LAMA2: variants seen among roughly 807,000 people sequenced by gnomAD.
The protein encoded by LAMA2 is laminin subunit alpha 2.
LAMA2 carries 269 observed loss-of-function variants against 364.8 expected under a neutral mutation model. The observed-to-expected ratio is 0.74, with a 90% CI of 0.67 to 0.82. The LOEUF (loss-of-function observed/expected upper bound fraction) is 0.82. Ranked by LOEUF, LAMA2 falls within the 40% of genes least tolerant of loss-of-function variation. The pLI is 0.00. For synonymous variants in LAMA2, 1,379 were observed against 1,370.6 expected (o/e 1.01, Z -0.14); for missense variants, 3,807 against 3,873.2 (o/e 0.98, Z 0.45).
intron 1 of LAMA2, among the ~76,000 whole-genome samples, chr6:128,893,759 T>C (rs994789898): frequency 6.6e-6 from 1 of 151,832 alleles, no homozygotes; most frequent in African/African-American, 2.4e-5. Context: ...AAAATTAAAA[T>C]TGGGAAATTT....
At chr6:129,071,616 T>G (rs1300097694) in intron 3 of LAMA2, among the ~76,000 whole-genome samples, 2 of 152,172 alleles carry the variant, frequency 1.3e-5, no homozygotes, top group Non-Finnish European at 2.9e-5. Context: ...TTATCATTTA[T>G]TTTAAAATAT....
In LAMA2 at chr6:129,312,962, G is replaced by A. The variant is rs1454240397; in HGVS notation, c.3276G>A (p.Glu1092=). The A allele has an allele frequency of 1.2e-6, 2 of 1,614,072 alleles. No homozygotes were observed. The highest frequency in any genetic ancestry group is 1.7e-5 in the Admixed American group (1 of 60,004). ...HPKFSGAKCT[E]CSRGHWNYPR... The stretch of plus-strand genomic sequence containing the variant: ...AATTCTCTGGTGCAAAATGTACAGA[G>A]TGCAGTCGAGGTCACTGGAACTACC... Residue 1092 remains glutamate (E), a synonymous_variant, in exon 23 of 65, where the codon GAG becomes GAA. Transcript: ENST00000421865.
chr6:129,004,879 GAT>G (rs898119685), intron 1 of LAMA2, among the ~76,000 whole-genome samples: 8 of 151,702 alleles, frequency 5.3e-5, no homozygotes, highest in East Asian at 1.9e-4. Context: ...CACTTTTCAG[GAT>G]ATATATATAG....
intron 9 of LAMA2, among the ~76,000 whole-genome samples, chr6:129,168,752 G>T (rs2114998924): frequency 7.0e-6 from 1 of 142,374 alleles, no homozygotes; most frequent in Non-Finnish European, 1.5e-5. Flanking sequence ...AAATTACCTT[G>T]GGCAGTATGG....
Position 129,403,797 on chromosome 6 carries a change from T to C in LAMA2, c.5727-24T>C, listed in dbSNP as rs3828735. 1.9e-6 allele frequency: 3 copies of C among 1,603,378 alleles called. No homozygotes were observed. The Admixed American group carries it at 5.0e-5, about 27-fold the overall frequency. On this transcript the variant is annotated intron_variant, in intron 39 of 64. Coordinates refer to ENST00000421865, the MANE Select transcript of LAMA2 (RefSeq NM_000426.4). ...TGAGTACCATTGAGTGCCCTGACATTCCTTTTTTGAATCATCCCACCAGAA... is the reference window on the plus strand; with the variant it reads ...TGAGTACCATTGAGTGCCCTGACATCCCTTTTTTGAATCATCCCACCAGAA...
intron 9 of LAMA2, among the ~76,000 whole-genome samples, chr6:129,169,271 C>T (rs533739412): frequency 0.012 from 1,723 of 145,530 alleles, 50 homozygotes; most frequent in African/African-American, 0.044. Context: ...CAGTTTTTGC[C>T]CATTCTGTAT....
chr6:129,241,864 C>G (rs1396642707), intron 12 of LAMA2, among the ~76,000 whole-genome samples: 1 of 152,150 alleles, frequency 6.6e-6, no homozygotes, highest in East Asian at 1.9e-4. Context: ...CCACTTTCTA[C>G]TGCTGTAAGA....
chr6:129,432,445 A>G (rs1236723103), intron 41 of LAMA2, among the ~76,000 whole-genome samples: 3 of 152,238 alleles, frequency 2.0e-5, no homozygotes, highest in African/African-American at 4.8e-5. Flanking sequence ...ACACTCCTGT[A>G]TATCATCTCA....
chr6:129,410,714 T>TTAGA (rs36203052), intron 40 of LAMA2, among the ~76,000 whole-genome samples: 24,819 of 150,136 alleles, frequency 0.17, 2,079 homozygotes, highest in Middle Eastern at 0.2. Context: ...GATAGACAGA[T>TTAGA]TAGATAGATA....
intron 1 of LAMA2, among the ~76,000 whole-genome samples, chr6:128,910,228 G>T (rs1228141548): frequency 6.6e-6 from 1 of 152,268 alleles, no homozygotes; most frequent in South Asian, 2.1e-4. Flanking sequence ...ATCCTGCAGA[G>T]TGTTTTCCAA....
chr6:129,125,937 A>C (rs1163697727), intron 4 of LAMA2, among the ~76,000 whole-genome samples: 1 of 152,188 alleles, frequency 6.6e-6, no homozygotes, highest in Non-Finnish European at 1.5e-5. Flanking sequence ...AATTTACAAT[A>C]AAAAATAAAA....
chr6:128,925,796 A>T (rs1764725617), intron 1 of LAMA2, among the ~76,000 whole-genome samples: 1 of 152,064 alleles, frequency 6.6e-6, no homozygotes, highest in African/African-American at 2.4e-5. Flanking sequence ...ACATAGCAAT[A>T]TATGGTTTAT....
At chr6:129,140,763 T>G (rs1778078092) in intron 4 of LAMA2, among the ~76,000 whole-genome samples, 2 of 151,946 alleles carry the variant, frequency 1.3e-5, no homozygotes, top group Non-Finnish European at 2.9e-5. Flanking sequence ...CACAAAACGG[T>G]GGAAGGAAGC....
chr6:129,110,138 T>C (rs1218658193), intron 4 of LAMA2, among the ~76,000 whole-genome samples: 1 of 151,990 alleles, frequency 6.6e-6, no homozygotes, highest in Admixed American at 6.6e-5. Flanking sequence ...CTTATATTCA[T>C]TGCAATTTAT....
chr6:129,366,192 C>T, intron 32 of LAMA2, 27 bp from the exon 33 acceptor site: 1 of 1,613,256 alleles, frequency 6.2e-7, no homozygotes, highest in Non-Finnish European at 8.5e-7. Flanking sequence ...GCAGAAGTAA[C>T]TACTCTTTGT....
intron 1 of LAMA2, among the ~76,000 whole-genome samples, chr6:128,973,854 C>T (rs148680702): frequency 3.3e-5 from 5 of 152,288 alleles, no homozygotes; most frequent in African/African-American, 1.2e-4. Context: ...ACTGAAAGTG[C>T]TTAGCTACCA....
chr6:128,911,949 C>T (rs1318939253), intron 1 of LAMA2, among the ~76,000 whole-genome samples: 1 of 152,174 alleles, frequency 6.6e-6, no homozygotes, highest in African/African-American at 2.4e-5. Flanking sequence ...CTGTAAAAAT[C>T]ATTCATGTTT....
intron 1 of LAMA2, among the ~76,000 whole-genome samples, chr6:129,049,164 A>G (rs998103716): frequency 6.6e-6 from 1 of 152,196 alleles, no homozygotes; most frequent in Non-Finnish European, 1.5e-5. Context: ...CACAATTGAC[A>G]TTAACTTACA....
chr6:129,486,502 G>A lies in LAMA2; in HGVS notation c.7778G>A (p.Gly2593Asp). 1 of 1,613,838 alleles carries A rather than the reference G, an allele frequency of 6.2e-7. No homozygotes were observed. Among genetic ancestry groups the A allele is most frequent in the Non-Finnish European group, 8.5e-7 (1 of 1,179,804 alleles). Residue 2593 changes from glycine to aspartate, a missense_variant, in exon 56 of 65, where the codon GGC becomes GAC. Coordinates refer to ENST00000421865, the MANE Select transcript of LAMA2 (RefSeq NM_000426.4). Reference protein sequence around the residue: ...QAYYAILLNRGRLEVHLSTGA... With the variant: ...QAYYAILLNRDRLEVHLSTGA... The stretch of plus-strand genomic sequence containing the variant: ...TATTATGCAATACTCCTCAACAGGG[G>A]CCGTCTGGAAGTGCATCTCTCCACA...
Sources: allele counts gnomAD v4.1 joint callset (sites outside exome capture counted in the v4.1 genomes callset), GRCh38; gene constraint gnomAD v4.1.1; transcripts MANE v1.5; gene names NCBI Gene and HGNC (gene_info 2026-07-23, HGNC 2026-07-21).